PRKN: variants seen among roughly 807,000 people sequenced by gnomAD.
PRKN encodes the protein parkin RBR E3 ubiquitin protein ligase, also known as E3 ubiquitin-protein ligase parkin.
In PRKN, 56 loss-of-function variants were observed where a neutral mutation model predicts 59.5. That is an observed-to-expected ratio of 0.94 (90% CI 0.76 to 1.18). The LOEUF is 1.18. Among genes scored for constraint, PRKN ranks in the 50% most tolerant of loss-of-function variants. The probability of loss-of-function intolerance (pLI) is 0.00; values close to 1 mark genes in which losing one functional copy is unlikely to be tolerated. For synonymous variants in PRKN, 250 were observed against 222.1 expected (o/e 1.13, Z -1.12); for missense variants, 657 against 596.4 (o/e 1.10, Z -1.06).
intron 2 of PRKN, among the ~76,000 whole-genome samples, chr6:162,313,630 G>A (rs1340729211): frequency 1.3e-5 from 2 of 152,066 alleles, no homozygotes; most frequent in Non-Finnish European, 2.9e-5. Flanking sequence ...TGGGATTACA[G>A]GCGCGTACCA....
rs1787508154 is a variant in PRKN at position 161,410,880 on chromosome 6, T to C, written c.1084-24003A>G. On this transcript the variant is annotated intron_variant, in intron 9 of 11. Transcript: ENST00000366898. This position sits in a 1 kb window ranked among gnomAD's most constrained non-coding sequence, Gnocchi z 5.3. ...AGCAAAGCAACTCATCACCTACCCATAAGAATAACAGAAAGGGCCACTCGA... is the reference window on the plus strand; with the variant it reads ...AGCAAAGCAACTCATCACCTACCCACAAGAATAACAGAAAGGGCCACTCGA... 6.6e-6 allele frequency among the ~76,000 whole-genome samples: 1 copy of C among 151,998 alleles called. No homozygotes were observed. The highest frequency in any genetic ancestry group is 1.5e-5 in the Non-Finnish European group (1 of 68,008).
intron 6 of PRKN, among the ~76,000 whole-genome samples, chr6:161,845,089 A>C (rs1180768395): frequency 6.6e-6 from 1 of 152,220 alleles, no homozygotes; most frequent in African/African-American, 2.4e-5. Flanking sequence ...GTAGAGTCAG[A>C]ACTTGAACCT....
intron 2 of PRKN, among the ~76,000 whole-genome samples, chr6:162,431,190 AG>A (rs1310225007): frequency 1.7e-5 from 2 of 119,694 alleles, no homozygotes; most frequent in African/African-American, 4.0e-5. Context: ...AAAAAAAAAA[AG>A]AAAAAAATGG....
At chr6:161,489,546 C>T (rs1195952519) in intron 9 of PRKN, among the ~76,000 whole-genome samples, 1 of 152,046 alleles carries the variant, frequency 6.6e-6, no homozygotes, top group Non-Finnish European at 1.5e-5. Context: ...GGCGAAAGAG[C>T]AAAACTCCAT....
chr6:161,376,240 C>T lies in PRKN; in HGVS notation c.1167+10554G>A, dbSNP rs923648913. 2.0e-5 allele frequency among the ~76,000 whole-genome samples: 3 copies of T among 152,078 alleles called. No individual in the cohort carries two copies. The highest frequency in any genetic ancestry group is 7.2e-5 in the African/African-American group (3 of 41,414). On this transcript the variant is annotated intron_variant, in intron 10 of 11. Coordinates refer to ENST00000366898, the MANE Select transcript of PRKN (RefSeq NM_004562.3). The surrounding 1 kb of genome is among the most constrained non-coding windows in gnomAD (Gnocchi z 7.3). ...TGGGGAGCATGGATAAGGGGCAGTT[C>T]GTTGGAGATTGTCAGTCTTGCATCT...
intron 2 of PRKN, among the ~76,000 whole-genome samples, chr6:162,266,769 C>T (rs977475000): frequency 2.6e-5 from 4 of 152,126 alleles, no homozygotes; most frequent in South Asian, 2.1e-4. Flanking sequence ...GATCCCGATC[C>T]GCAATGATAC....
intron 10 of PRKN, among the ~76,000 whole-genome samples, chr6:161,375,730 A>G (rs1785668265): frequency 6.6e-6 from 1 of 152,190 alleles, no homozygotes; most frequent in Non-Finnish European, 1.5e-5. Context: ...AAACCTTCGC[A>G]CACAAGCTGA....
At chr6:162,680,264 T>C (rs1288164023) in intron 1 of PRKN, among the ~76,000 whole-genome samples, 1 of 150,970 alleles carries the variant, frequency 6.6e-6, no homozygotes, top group Non-Finnish European at 1.5e-5. Context: ...GATACATATA[T>C]ACTTAATATA....
chr6:162,122,399 G>A (rs1780951867), intron 4 of PRKN, among the ~76,000 whole-genome samples: 1 of 152,174 alleles, frequency 6.6e-6, no homozygotes, highest in African/African-American at 2.4e-5. Flanking sequence ...GCAGGAGGCA[G>A]CAAACGGTCC....
chr6:161,755,447 G>C (rs79661713), intron 7 of PRKN, among the ~76,000 whole-genome samples: 3,425 of 152,082 alleles, frequency 0.023, 102 homozygotes, highest in South Asian at 0.071. Context: ...AAGGGACTCA[G>C]TAATATCGAA....
At chr6:162,080,098 T>A (rs993236108) in intron 4 of PRKN, among the ~76,000 whole-genome samples, 2 of 152,068 alleles carry the variant, frequency 1.3e-5, no homozygotes, top group Non-Finnish European at 2.9e-5. Context: ...AAATGAAGAT[T>A]CAGAATAATG....
chr6:162,488,180 G>A (rs1355393431), intron 1 of PRKN, among the ~76,000 whole-genome samples: 2 of 151,950 alleles, frequency 1.3e-5, no homozygotes, highest in African/African-American at 2.4e-5. Context: ...ATAGAAGGAA[G>A]AATTCCTGTT....
At chr6:162,380,456 CACACATATATATGTGTGT>C (rs1786391727) in intron 2 of PRKN, among the ~76,000 whole-genome samples, 2 of 79,342 alleles carry the variant, frequency 2.5e-5, no homozygotes, top group Non-Finnish European at 4.3e-5. Context: ...TGTATATATA[CACACATATATATGTGTGT>C]ATATATATGT....
intron 5 of PRKN, among the ~76,000 whole-genome samples, chr6:162,051,889 G>C (rs1777660952): frequency 6.6e-6 from 1 of 152,026 alleles, no homozygotes; most frequent in Admixed American, 6.5e-5. Flanking sequence ...AGGCTTCCTT[G>C]TCCCATGGAT....
In PRKN at chr6:161,545,134, A is replaced by C. The variant is rs1779750594; in HGVS notation, c.1083+3720T>G. 3.1e-6 allele frequency: 4 copies of C among 1,283,148 alleles called. No individual in the cohort carries two copies. The allele number at this position is 1,283,148 out of a possible 1,614,324, so 79.5% of individuals were successfully genotyped here. Reference sequence around the variant, plus strand: ...AGAATTTGGTTTTCAACTTTTTTATACGCGATTTTTTTTGTAACAGCTAAC... The same window carrying C: ...AGAATTTGGTTTTCAACTTTTTTATCCGCGATTTTTTTTGTAACAGCTAAC... On this transcript the variant is annotated intron_variant, in intron 9 of 11. Transcript: ENST00000366898. This position sits in a 1 kb window ranked among gnomAD's most constrained non-coding sequence, Gnocchi z 4.1.
intron 1 of PRKN, among the ~76,000 whole-genome samples, chr6:162,581,559 G>A (rs372182638): frequency 6.6e-6 from 1 of 152,180 alleles, no homozygotes; most frequent in African/African-American, 2.4e-5. Flanking sequence ...TCAGGAGTTC[G>A]GGACCAGCCT....
At chr6:162,668,451 G>C (rs1262862822) in intron 1 of PRKN, among the ~76,000 whole-genome samples, 2 of 152,012 alleles carry the variant, frequency 1.3e-5, no homozygotes, top group Non-Finnish European at 2.9e-5. Context: ...GAAAGGCTGT[G>C]GACAGAGGAC....
intron 6 of PRKN, among the ~76,000 whole-genome samples, chr6:161,902,560 A>ATCTATTTTTTTTTTTTTTTT (rs1554245457): frequency 4.8e-5 from 6 of 125,326 alleles, no homozygotes; most frequent in African/African-American, 1.3e-4. Flanking sequence ...TTATTTATTT[A>ATCTATTTTTTTTTTTTTTTT]TTTATTTTTT....
At chr6:161,605,509 T>TCG (rs1782244581) in intron 7 of PRKN, among the ~76,000 whole-genome samples, 1 of 140,850 alleles carries the variant, frequency 7.1e-6, no homozygotes, top group African/African-American at 3.2e-5. Flanking sequence ...GGGGCTGCCC[T>TCG]CTCTCTTTTT....
Sources: gnomAD v4.1 joint callset for allele counts (sites outside exome capture counted in the v4.1 genomes callset) on GRCh38, gnomAD v4.1.1 for gene constraint, Gnocchi (gnomAD v3.1) non-coding constraint, MANE v1.5 for transcripts, NCBI Gene and HGNC (gene_info 2026-07-23, HGNC 2026-07-21) for gene names.